DYNC1I1: variants seen among roughly 807,000 people sequenced by gnomAD.
DYNC1I1 encodes dynein cytoplasmic 1 intermediate chain 1.
A neutral mutation model predicts 86.6 loss-of-function variants in DYNC1I1; 43 were observed. The observed-to-expected ratio is 0.50, with a 90% CI of 0.39 to 0.64. DYNC1I1 has a LOEUF of 0.64. Ranked by LOEUF, DYNC1I1 falls within the 30% of genes least tolerant of loss-of-function variation. The pLI, the probability that DYNC1I1 is intolerant of heterozygous loss-of-function variation, is 0.00. For missense variants in DYNC1I1, 604 were observed against 788.8 expected (o/e 0.77, Z 2.81); for synonymous variants, 262 against 283.7 (o/e 0.92, Z 0.77).
chr7:96,074,653 TACATTTTTG>T (rs1790278164), intron 14 of DYNC1I1, among the ~76,000 whole-genome samples: 1 of 151,606 alleles, frequency 6.6e-6, no homozygotes, highest in African/African-American at 2.4e-5. Context: ...GTTACTACAC[TACATTTTTG>T]TGTGATATTT....
At chr7:95,863,308 A>G (rs1789938286) in intron 5 of DYNC1I1, among the ~76,000 whole-genome samples, 1 of 152,082 alleles carries the variant, frequency 6.6e-6, no homozygotes, top group Non-Finnish European at 1.5e-5. Flanking sequence ...CCAAGTAAGT[A>G]GAAAACATAT....
chr7:95,916,098 C>T (rs568885626), intron 6 of DYNC1I1, among the ~76,000 whole-genome samples: 1 of 152,240 alleles, frequency 6.6e-6, no homozygotes, highest in Admixed American at 6.5e-5. Context: ...GTCTGAACTG[C>T]TTAACAAAGA....
At chr7:96,004,686 C>T (rs1794099274) in intron 10 of DYNC1I1, among the ~76,000 whole-genome samples, 1 of 151,680 alleles carries the variant, frequency 6.6e-6, no homozygotes, top group African/African-American at 2.4e-5. Context: ...ACAACCAAGA[C>T]TCTCAAATCC....
intron 1 of DYNC1I1, among the ~76,000 whole-genome samples, chr7:95,789,115 G>A (rs757280913): frequency 6.6e-6 from 1 of 152,200 alleles, no homozygotes; most frequent in South Asian, 2.1e-4. Flanking sequence ...AAGGGTTTAA[G>A]CCTTTTAGAA....
intron 14 of DYNC1I1, among the ~76,000 whole-genome samples, chr7:96,056,805 A>T (rs1488413247): frequency 6.6e-6 from 1 of 152,124 alleles, no homozygotes; most frequent in East Asian, 1.9e-4. Context: ...CTGTAGTAAG[A>T]AGGTCTTTTT....
At chr7:95,938,555 C>A (rs1219957860) in intron 6 of DYNC1I1, among the ~76,000 whole-genome samples, 1 of 152,142 alleles carries the variant, frequency 6.6e-6, no homozygotes, top group Non-Finnish European at 1.5e-5. Context: ...TCAGATAGAT[C>A]CAGCTTCAAA....
intron 16 of DYNC1I1, among the ~76,000 whole-genome samples, chr7:96,108,425 C>A (rs1791253271): frequency 1.3e-5 from 2 of 152,104 alleles, no homozygotes; most frequent in South Asian, 4.1e-4. Context: ...GATTTTGATA[C>A]TGTGGCAATG....
chr7:95,940,680 A>T (rs1234196725), intron 6 of DYNC1I1, among the ~76,000 whole-genome samples: 1 of 152,172 alleles, frequency 6.6e-6, no homozygotes, highest in East Asian at 1.9e-4. Context: ...TGTATTGGTT[A>T]TTCTAGTTAA....
intron 6 of DYNC1I1, among the ~76,000 whole-genome samples, chr7:95,911,230 A>G (rs1447481323): frequency 6.6e-6 from 1 of 152,186 alleles, no homozygotes; most frequent in African/African-American, 2.4e-5. Flanking sequence ...GAAACTTCAC[A>G]GTTTTGGAGG....
At chr7:96,005,885 C>T (rs1794130129) in intron 10 of DYNC1I1, among the ~76,000 whole-genome samples, 1 of 152,100 alleles carries the variant, frequency 6.6e-6, no homozygotes, top group South Asian at 2.1e-4. Flanking sequence ...GTATTTACTT[C>T]CCCCTGAAAG....
At chr7:96,068,555 A>G (rs1466161512) in intron 14 of DYNC1I1, among the ~76,000 whole-genome samples, 1 of 152,204 alleles carries the variant, frequency 6.6e-6, no homozygotes, top group Non-Finnish European at 1.5e-5. Flanking sequence ...AGATTTTATT[A>G]GACATGTTTG....
intron 9 of DYNC1I1, among the ~76,000 whole-genome samples, chr7:95,992,144 G>A (rs948696954): frequency 6.6e-6 from 1 of 152,124 alleles, no homozygotes; most frequent in African/African-American, 2.4e-5. Context: ...ACAGGCATGA[G>A]CTAGCATACC....
intron 7 of DYNC1I1, among the ~76,000 whole-genome samples, chr7:95,978,664 G>A (rs1793371739): frequency 1.3e-5 from 2 of 152,310 alleles, no homozygotes; most frequent in Middle Eastern, 6.8e-3. Context: ...CAGATGTTCA[G>A]CACTGGGGTC....
intron 14 of DYNC1I1, among the ~76,000 whole-genome samples, chr7:96,040,797 C>T (rs150960507): frequency 6.6e-6 from 1 of 151,392 alleles, no homozygotes; most frequent in Non-Finnish European, 1.5e-5. Context: ...TCTTGGCTCA[C>T]GGCAGCCTCT....
intron 4 of DYNC1I1, among the ~76,000 whole-genome samples, chr7:95,821,258 A>G (rs1326275100): frequency 3.3e-5 from 5 of 152,214 alleles, no homozygotes; most frequent in Admixed American, 3.3e-4. Context: ...CTAAAGAGCA[A>G]GTAAATTGAC....
chr7:95,869,309 C>T (rs1790098619), intron 5 of DYNC1I1, among the ~76,000 whole-genome samples: 1 of 152,190 alleles, frequency 6.6e-6, no homozygotes, highest in South Asian at 2.1e-4. Flanking sequence ...GCCCAGTGCC[C>T]CCTTTCACTC....
intron 14 of DYNC1I1, among the ~76,000 whole-genome samples, chr7:96,042,236 T>C (rs1326095922): frequency 1.3e-5 from 2 of 152,196 alleles, no homozygotes; most frequent in Non-Finnish European, 2.9e-5. Context: ...ATTATCAGCT[T>C]GGTTGAAAGG....
Position 95,837,862 on chromosome 7 carries a change from A to G in DYNC1I1, c.374+9746A>G, listed in dbSNP as rs1789157039. 2.0e-5 allele frequency among the ~76,000 whole-genome samples: 3 copies of G among 152,230 alleles called. No homozygotes were observed. In the South Asian group the frequency reaches 6.2e-4, roughly 31 times the overall value. On this transcript the variant is annotated intron_variant, in intron 5 of 16. Transcript: ENST00000447467. The stretch of plus-strand genomic sequence containing the variant: ...TGCGCGCACCCACTGACCTGCGTCC[A>G]CTGTCTGGCACTCCCTAGTGAGATG...
At chr7:95,808,334 T>C (rs1432051998) in intron 2 of DYNC1I1, among the ~76,000 whole-genome samples, 1 of 152,156 alleles carries the variant, frequency 6.6e-6, no homozygotes, top group Non-Finnish European at 1.5e-5. Flanking sequence ...TTGCCATGAA[T>C]ATAAAAACTA....
Sources: gnomAD v4.1 joint callset for allele counts (sites outside exome capture counted in the v4.1 genomes callset) on GRCh38, gnomAD v4.1.1 for gene constraint, MANE v1.5 for transcripts, NCBI Gene and HGNC (gene_info 2026-07-23, HGNC 2026-07-21) for gene names.